Variants in RAB11FIP3 observed in about 807,000 individuals in gnomAD.
The protein encoded by RAB11FIP3 is RAB11 family interacting protein 3, also known as rab11 family-interacting protein 3.
In RAB11FIP3, 17 loss-of-function variants were observed where a neutral mutation model predicts 77.8. The observed-to-expected ratio is 0.22, with a 90% CI of 0.15 to 0.33. The LOEUF is 0.33. Ranked by LOEUF, RAB11FIP3 falls within the 10% of genes least tolerant of loss-of-function variation. The pLI, the probability that RAB11FIP3 is intolerant of heterozygous loss-of-function variation, is 1.00. For synonymous variants in RAB11FIP3, 437 were observed against 448.2 expected (o/e 0.98, Z 0.31); for missense variants, 1,005 against 1,011.2 (o/e 0.99, Z 0.08).
intron 1 of RAB11FIP3, among the ~76,000 whole-genome samples, chr16:457,217 G>GTTGA (rs924165383): frequency 2.7e-4 from 41 of 152,302 alleles, no homozygotes; most frequent in African/African-American, 8.9e-4. Flanking sequence ...TGGGATCCTA[G>GTTGA]TTGACTGTGG....
At chr16:492,681 A>G (rs1210478987) in intron 5 of RAB11FIP3, among the ~76,000 whole-genome samples, 1 of 152,226 alleles carries the variant, frequency 6.6e-6, no homozygotes, top group African/African-American at 2.4e-5. Context: ...CTTCCCACGC[A>G]GAGACTTGCC....
intron 1 of RAB11FIP3, among the ~76,000 whole-genome samples, chr16:429,642 G>A (rs917869654): frequency 2.6e-5 from 4 of 151,892 alleles, no homozygotes; most frequent in Admixed American, 1.3e-4. Flanking sequence ...TGGGATTACC[G>A]GTGCCCGTCA....
In RAB11FIP3 at chr16:488,891, G is replaced by T; in HGVS notation, c.1156G>T (p.Gly386Cys). 1 of 1,614,040 alleles carries T rather than the reference G, an allele frequency of 6.2e-7. No homozygotes were observed. The highest frequency in any genetic ancestry group is 8.5e-7 in the Non-Finnish European group (1 of 1,179,998). The change falls in exon 5 of 14, where the codon GGC (glycine) becomes TGC (cysteine). Residue 386 changes from glycine (G) to cysteine (C), a missense_variant. By Grantham distance (159) the Gly-to-Cys change is radical (BLOSUM62 -3). Coordinates refer to ENST00000262305, the MANE Select transcript of RAB11FIP3 (RefSeq NM_014700.4). Reference sequence around the variant, plus strand: ...CCAGTCTGTCATCACGGTGATCGGGGGCGAGGAGCACTTTGAGGACTACGG... The same window carrying T: ...CCAGTCTGTCATCACGGTGATCGGGTGCGAGGAGCACTTTGAGGACTACGG... ...HGQSVITVIG[G>C]EEHFEDYGEG...
At chr16:439,850 C>CT (rs879539160) in intron 1 of RAB11FIP3, among the ~76,000 whole-genome samples, 69 of 146,288 alleles carry the variant, frequency 4.7e-4, no homozygotes, top group Non-Finnish European at 4.8e-4. Context: ...CAGTTGCATT[C>CT]TTTTTTTTTT....
intron 2 of RAB11FIP3, among the ~76,000 whole-genome samples, chr16:462,375 C>T (rs183579771): frequency 1.3e-5 from 2 of 152,284 alleles, no homozygotes; most frequent in East Asian, 3.9e-4. Context: ...ATGCTCACCT[C>T]TACTAAAAAT....
intron 3 of RAB11FIP3, chr16:477,566 C>A: frequency 1.0e-6 from 1 of 959,900 alleles, no homozygotes; most frequent in Non-Finnish European, 1.2e-6. Flanking sequence ...CTTTTCCTGC[C>A]TGGCGTCCCG....
At chr16:434,100 C>T (rs1596184534) in intron 1 of RAB11FIP3, among the ~76,000 whole-genome samples, 1 of 151,988 alleles carries the variant, frequency 6.6e-6, no homozygotes, top group Non-Finnish European at 1.5e-5. Flanking sequence ...TCTCTGATAT[C>T]AGATGTATAT....
At chr16:512,808 G>T (rs2032246005) in intron 9 of RAB11FIP3, among the ~76,000 whole-genome samples, 2 of 152,262 alleles carry the variant, frequency 1.3e-5, no homozygotes, top group South Asian at 4.1e-4. Flanking sequence ...CTCCCAAAGT[G>T]CTGGGATTAG....
At chr16:438,937 CT>C (rs908027198) in intron 1 of RAB11FIP3, among the ~76,000 whole-genome samples, 1 of 152,184 alleles carries the variant, frequency 6.6e-6, no homozygotes, top group Non-Finnish European at 1.5e-5. Context: ...ATCCGCCCGC[CT>C]TGGCACCCAA....
At chr16:449,264 G>A (rs1470099232) in intron 1 of RAB11FIP3, among the ~76,000 whole-genome samples, 1 of 152,166 alleles carries the variant, frequency 6.6e-6, no homozygotes, top group African/African-American at 2.4e-5. Flanking sequence ...GTGTCTCACA[G>A]CGCTGTCACC....
At chr16:518,320 A>T (rs1439013926) in intron 9 of RAB11FIP3, among the ~76,000 whole-genome samples, 1 of 152,256 alleles carries the variant, frequency 6.6e-6, no homozygotes, top group South Asian at 2.1e-4. Context: ...GGCCCAAGCA[A>T]TCCTCCCGCA....
At chr16:447,783 C>G (rs1459410072) in intron 1 of RAB11FIP3, among the ~76,000 whole-genome samples, 3 of 152,146 alleles carry the variant, frequency 2.0e-5, no homozygotes, top group Non-Finnish European at 2.9e-5. Flanking sequence ...ACCTGTCTCC[C>G]TACAGAAATT....
chr16:445,113 CAAAAAAA>C (rs56706849), intron 1 of RAB11FIP3, among the ~76,000 whole-genome samples: 1 of 70,832 alleles, frequency 1.4e-5, no homozygotes, highest in Non-Finnish European at 2.4e-5. Context: ...GACTCTGTCT[CAAAAAAA>C]AAAAAAAAAA....
intron 2 of RAB11FIP3, among the ~76,000 whole-genome samples, chr16:462,306 C>T (rs549944793): frequency 5.3e-4 from 80 of 152,312 alleles, no homozygotes; most frequent in Non-Finnish European, 9.8e-4. Context: ...ACTGCAACCT[C>T]CACCTTCCGG....
At chr16:481,125 AT>A (rs201227844) in intron 3 of RAB11FIP3, among the ~76,000 whole-genome samples, 1,831 of 112,748 alleles carry the variant, frequency 0.016, 30 homozygotes, top group African/African-American at 0.08. Flanking sequence ...TTTATTTTTA[AT>A]TAATTAATTT....
chr16:497,492 T>C, intron 6 of RAB11FIP3: 1 of 1,191,430 alleles, frequency 8.4e-7, no homozygotes, highest in Non-Finnish European at 1.1e-6. Flanking sequence ...CTAGTCCCCG[T>C]CCTGCTTCGT....
chr16:488,414 ATT>A (rs35375406), intron 4 of RAB11FIP3, among the ~76,000 whole-genome samples: 48 of 148,270 alleles, frequency 3.2e-4, no homozygotes, highest in South Asian at 1.3e-3. Context: ...TTATTTATTT[ATT>A]TTTTTTTTTT....
chr16:519,846 T>C lies in RAB11FIP3; in HGVS notation c.1815T>C (p.Ser605=). Residue 605 remains serine (S), a synonymous_variant, in exon 11 of 14, where the codon AGT becomes AGC. Coordinates refer to ENST00000262305, the MANE Select transcript of RAB11FIP3 (RefSeq NM_014700.4). ...AGAGGAGAATGGGGGACAGGCTGAGTCACGAGAGGCACCAGTTCCAGAGGG... is the reference window on the plus strand; with the variant it reads ...AGAGGAGAATGGGGGACAGGCTGAGCCACGAGAGGCACCAGTTCCAGAGGG... ...ENKRRMGDRL[S]HERHQFQRDK... 1 of 1,600,636 alleles carries C rather than the reference T, an allele frequency of 6.2e-7. No homozygotes were observed. The highest frequency in any genetic ancestry group is 1.1e-5 in the South Asian group (1 of 88,942).
intron 1 of RAB11FIP3, among the ~76,000 whole-genome samples, chr16:447,698 A>G (rs2055339927): frequency 6.6e-6 from 1 of 152,202 alleles, no homozygotes; most frequent in Non-Finnish European, 1.5e-5. Context: ...AGATCGCGCC[A>G]CTGCGCTCCA....
Sources: allele counts gnomAD v4.1 joint callset (sites outside exome capture counted in the v4.1 genomes callset), GRCh38; gene constraint gnomAD v4.1.1; transcripts MANE v1.5; gene names NCBI Gene and HGNC (gene_info 2026-07-23, HGNC 2026-07-21).